The following LIFR variants were observed in gnomAD, a reference collection of about 807,000 sequenced individuals.
LIFR encodes the protein leukemia inhibitory factor receptor.
LIFR carries 84 observed loss-of-function variants against 122.2 expected under a neutral mutation model. The ratio of observed to expected loss-of-function variants is 0.69; its 90% CI spans 0.58 to 0.82. The LOEUF (loss-of-function observed/expected upper bound fraction) is 0.82, where lower values mean the gene tolerates loss of function less well. Ranked by LOEUF, LIFR falls within the 40% of genes least tolerant of loss-of-function variation. The pLI is 0.00. For synonymous variants in LIFR, 422 were observed against 434.7 expected (o/e 0.97, Z 0.36); for missense variants, 1,294 against 1,311.6 (o/e 0.99, Z 0.21).
chr5:38,583,086 C>T (rs765302718), intron 1 of LIFR, among the ~76,000 whole-genome samples: 7 of 152,150 alleles, frequency 4.6e-5, no homozygotes, highest in Non-Finnish European at 1.0e-4. Flanking sequence ...CCTCCCTATA[C>T]TCAGAGCAGA....
chr5:38,506,639 G>GA lies in LIFR; in HGVS notation c.992-8dup, dbSNP rs773048780. On this transcript the variant is annotated splice_region_variant and splice_polypyrimidine_tract_variant and intron_variant, in intron 7 of 19. Coordinates refer to ENST00000453190, the MANE Select transcript of LIFR (RefSeq NM_001127671.2). ...TGAGGAGTATCTGGTGGATCTAACA[G>GA]AAAAAAAATGCAGGTACTTATGATT... 3.3e-5 allele frequency: 53 copies of GA among 1,606,416 alleles called. No individual in the cohort carries two copies. Among genetic ancestry groups the GA allele is most frequent in the Non-Finnish European group, 4.2e-5 (49 of 1,174,908 alleles).
intron 5 of LIFR, among the ~76,000 whole-genome samples, chr5:38,515,018 A>G (rs1372053791): frequency 6.6e-6 from 1 of 152,200 alleles, no homozygotes; most frequent in Non-Finnish European, 1.5e-5. Flanking sequence ...GAACGACTGG[A>G]GATTTGGCAA....
Position 38,481,882 on chromosome 5 carries a change from G to A in LIFR, c.3007C>T (p.Pro1003Ser), listed in dbSNP as rs771210130. 1.8e-5 allele frequency: 29 copies of A among 1,614,012 alleles called. No individual in the cohort carries two copies. Among genetic ancestry groups the A allele is most frequent in the Non-Finnish European group, 2.5e-5 (29 of 1,180,018 alleles). ...GAATTAATGGGGAGGTGCATCTGTGGCTTATAGCCTGCCCCTCCTACAGGG... is the reference window on the plus strand; with the variant it reads ...GAATTAATGGGGAGGTGCATCTGTGACTTATAGCCTGCCCCTCCTACAGGG... ...NDPVGGAGYKPQMHLPINSTV... is the reference protein window; with the variant it reads ...NDPVGGAGYKSQMHLPINSTV... The change falls in exon 20 of 20, where the codon CCA (proline) becomes TCA (serine). Residue 1003 changes from proline (P) to serine (S), a missense_variant. Coordinates refer to ENST00000453190, the MANE Select transcript of LIFR (RefSeq NM_001127671.2).
chr5:38,529,353 AC>A (rs976020587), intron 2 of LIFR, among the ~76,000 whole-genome samples: 1 of 151,802 alleles, frequency 6.6e-6, no homozygotes, highest in Non-Finnish European at 1.5e-5. Context: ...ACTCCTAGTC[AC>A]CCCCACCTCA....
intron 14 of LIFR, chr5:38,490,526 T>G (rs753350642): frequency 3.8e-6 from 1 of 260,880 alleles, no homozygotes; most frequent in Non-Finnish European, 7.2e-6. Flanking sequence ...AAGATGGGAT[T>G]GCATTGAAGA....
In LIFR at chr5:38,484,876, G is replaced by T. The variant is rs199875123; in HGVS notation, c.2498-8C>A. The T allele has an allele frequency of 6.3e-7, 1 of 1,592,944 alleles. No homozygotes were observed. The highest frequency in any genetic ancestry group is 8.6e-7 in the Non-Finnish European group (1 of 1,161,240). On this transcript the variant is annotated splice_region_variant and splice_polypyrimidine_tract_variant and intron_variant, in intron 17 of 19. Coordinates refer to ENST00000453190, the MANE Select transcript of LIFR (RefSeq NM_001127671.2). ...CAATAATTAATCCCACAGCTGAAAC[G>T]AGAGTATTGCAAATATTAAAATCGC... is the stretch of plus-strand genomic sequence containing the variant.
intron 13 of LIFR, 90 bp from the exon 14 acceptor site, chr5:38,493,875 C>G (rs939436363): frequency 9.7e-7 from 1 of 1,035,364 alleles, no homozygotes; most frequent in African/African-American, 1.6e-5. Flanking sequence ...AGAAAAATCA[C>G]TTCATTGTGA....
At chr5:38,553,621 A>AAT (rs1748324229) in intron 1 of LIFR, among the ~76,000 whole-genome samples, 1 of 48,460 alleles carries the variant, frequency 2.1e-5, no homozygotes, top group Non-Finnish European at 4.1e-5. Context: ...GACCATTTAA[A>AAT]CTATATATAT....
chr5:38,540,915 T>C (rs1237172246), intron 1 of LIFR, among the ~76,000 whole-genome samples: 1 of 152,110 alleles, frequency 6.6e-6, no homozygotes, highest in Non-Finnish European at 1.5e-5. Flanking sequence ...TCTTAAAATA[T>C]AAACTGTTTT....
At chr5:38,499,183 GA>G (rs555634250) in intron 12 of LIFR, among the ~76,000 whole-genome samples, 14 of 152,092 alleles carry the variant, frequency 9.2e-5, no homozygotes, top group Admixed American at 2.0e-4. Flanking sequence ...CCTATTAATA[GA>G]AAAAAATATA....
intron 1 of LIFR, among the ~76,000 whole-genome samples, chr5:38,578,020 A>G (rs541045297): frequency 3.3e-5 from 5 of 152,176 alleles, no homozygotes; most frequent in Non-Finnish European, 7.3e-5. Flanking sequence ...CATGACTGTT[A>G]ATCAAACAGT....
rs914200508 is a variant in LIFR at position 38,480,651 on chromosome 5, T to C, written c.*944A>G. ...GGAACGAAATCCAATCAGAACTATA[T>C]GGACAGCTAACGCTGCTAGATATTG... On this transcript the variant is annotated 3_prime_UTR_variant, in exon 20 of 20. Transcript: ENST00000453190. 10 of 216,954 alleles carry C rather than the reference T, an allele frequency of 4.6e-5. No individual in the cohort carries two copies. Among genetic ancestry groups the C allele is most frequent in the Non-Finnish European group, 7.4e-5 (8 of 107,886 alleles). The allele number at this position is 216,954 out of a possible 1,614,324, so 13.4% of individuals were successfully genotyped here.
At chr5:38,506,465 C>T in intron 8 of LIFR, 38 bp downstream of exon 8, 5 of 1,612,774 alleles carry the variant, frequency 3.1e-6, no homozygotes, top group Non-Finnish European at 4.2e-6. Context: ...TTCCAACGTA[C>T]TCCTTGCCAT....
chr5:38,587,420 A>G (rs948554749), intron 1 of LIFR, among the ~76,000 whole-genome samples: 4 of 151,638 alleles, frequency 2.6e-5, no homozygotes, highest in Non-Finnish European at 4.4e-5. Context: ...ATGAGACAAG[A>G]TGCTGTTGGA....
upstream of LIFR, among the ~76,000 whole-genome samples, chr5:38,599,391 G>A (rs532258144): frequency 2.1e-5 from 3 of 145,270 alleles, no homozygotes; most frequent in South Asian, 7.0e-4. Context: ...CACAGGGTAT[G>A]ATAATAGTTG....
Position 38,527,209 on chromosome 5 carries a change from G to A in LIFR, c.343C>T (p.Leu115=). The change falls in exon 4 of 20, where the codon CTA becomes TTA. Residue 115 remains leucine (L), a synonymous_variant. Transcript: ENST00000453190. The part of the protein sequence containing the change: ...HGDYEITINS[L]HDFGSSTSKF... Reference sequence around the variant, plus strand: ...CTTGTAGAACTTCCAAAATCATGTAGAGAATTTATTGTTATTTCATAATCA... The same window carrying A: ...CTTGTAGAACTTCCAAAATCATGTAAAGAATTTATTGTTATTTCATAATCA... The A allele has an allele frequency of 6.3e-7, 1 of 1,588,036 alleles. No individual in the cohort carries two copies. The highest frequency in any genetic ancestry group is 8.6e-7 in the Non-Finnish European group (1 of 1,157,396).
intron 13 of LIFR, among the ~76,000 whole-genome samples, chr5:38,494,889 A>C (rs921881210): frequency 6.6e-6 from 1 of 152,198 alleles, no homozygotes; most frequent in Non-Finnish European, 1.5e-5. Flanking sequence ...TAACAGGAGA[A>C]AGTAACTAAT....
intron 1 of LIFR, among the ~76,000 whole-genome samples, chr5:38,606,793 T>C (rs1750338867): frequency 6.6e-6 from 1 of 151,950 alleles, no homozygotes; most frequent in Non-Finnish European, 1.5e-5. Flanking sequence ...GGACACTTTC[T>C]TTTTTTTCCC....
In LIFR at chr5:38,481,058, AATT is replaced by A. The variant is rs1478007853; in HGVS notation, c.*534_*536del. On this transcript the variant is annotated 3_prime_UTR_variant, in exon 20 of 20. Transcript: ENST00000453190. ...ACTAAATCGCTGTCACTACATTAAAAATTATATTAATTTTTGTGAATGCTGTGG... is the reference window on the plus strand; with the variant it reads ...ACTAAATCGCTGTCACTACATTAAAAATATTAATTTTTGTGAATGCTGTGG... 3 of 229,440 alleles carry A rather than the reference AATT, an allele frequency of 1.3e-5. No homozygotes were observed. Among genetic ancestry groups the A allele is most frequent in the African/African-American group, 6.7e-5 (3 of 44,704 alleles). The allele number at this position is 229,440 out of a possible 1,614,324, so 14.2% of individuals were successfully genotyped here. A position where few individuals can be genotyped will look rare whatever the true frequency, so the allele number is the denominator to read the frequency against.
Sources: gnomAD v4.1 joint callset for allele counts (sites outside exome capture counted in the v4.1 genomes callset) on GRCh38, gnomAD v4.1.1 for gene constraint, MANE v1.5 for transcripts, NCBI Gene and HGNC (gene_info 2026-07-23, HGNC 2026-07-21) for gene names.